HCST: variants seen among roughly 807,000 people sequenced by gnomAD.
HCST encodes DNAX-activation protein 10.
HCST carries 12 observed loss-of-function variants against 10.8 expected under a neutral mutation model. That is an observed-to-expected ratio of 1.12 (90% CI 0.72 to 1.81). The LOEUF is 1.81. HCST is among the 40% of genes most tolerant of loss of function. HCST has a pLI of 0.00. For missense variants in HCST, 102 were observed against 117.9 expected, an observed-to-expected ratio of 0.87 and a Z score of 0.62; for synonymous variants, 59 against 51.6, an observed-to-expected ratio of 1.14 and a Z score of -0.61.
chr19:35,903,337 T>C lies in HCST; in HGVS notation c.44-14T>C, dbSNP rs371000024. 6.2e-7 allele frequency: 1 copy of C among 1,611,856 alleles called. No individual in the cohort carries two copies. The highest frequency in any genetic ancestry group is 8.5e-7 in the Non-Finnish European group (1 of 1,178,562). ...TTCTCTCCACCCTCATCCACCTTCT[T>C]TCTCTTTCCACAGTGGCTGCAGCTC... On this transcript the variant is annotated splice_polypyrimidine_tract_variant and intron_variant, in intron 1 of 3. Transcript: ENST00000246551.
rs2146983106 is a variant in HCST, at chr19:35,903,912, G to A, written c.241+9G>A. 1 of 1,608,566 alleles carries A rather than the reference G, an allele frequency of 6.2e-7. No individual in the cohort carries two copies. Among genetic ancestry groups the A allele is most frequent in the Non-Finnish European group, 8.5e-7 (1 of 1,178,258 alleles). ...CCGCAGCCCCGCCCAAGGTGAGGGC[G>A]GAGATGGGCGGGGCCTGGAAGGTGT... On this transcript the variant is annotated intron_variant, in intron 3 of 3. Transcript: ENST00000246551.
chr19:35,902,963 C>A, intron 1 of HCST: 1 of 446,868 alleles, frequency 2.2e-6, no homozygotes, highest in South Asian at 2.5e-5. Flanking sequence ...CTTCTCAGGA[C>A]ACTACCTTTC....
rs1975663699 is a variant in HCST at position 35,904,337 on chromosome 19, G to A, written c.*177G>A. ...AGCCTCCCTCCCATGAACTGTTTCT[G>A]GATCCAAGGCCCCCTCAGAACCCCC... is the stretch of plus-strand genomic sequence containing the variant. On this transcript the variant is annotated 3_prime_UTR_variant, in exon 4 of 4. Transcript: ENST00000246551. The A allele has an allele frequency of 8.4e-6, 7 of 829,250 alleles. No individual in the cohort carries two copies. In the South Asian group the frequency reaches 1.0e-4, roughly 12 times the overall value. The allele number at this position is 829,250 out of a possible 1,614,324, so 51.4% of individuals were successfully genotyped here.
chr19:35,903,677 C>G, intron 2 of HCST, 95 bp from the exon 3 acceptor site: 1 of 1,572,674 alleles, frequency 6.4e-7, no homozygotes, highest in Non-Finnish European at 8.7e-7. Context: ...TGGGACCCGC[C>G]CCCTCGCAGG....
chr19:35,902,597 A>G lies in HCST; in HGVS notation c.4A>G (p.Ile2Val). Residue 2 changes from isoleucine to valine, a missense_variant, in exon 1 of 4, where the codon ATC becomes GTC. By Grantham distance (29) the Ile-to-Val change is conservative (BLOSUM62 3). Transcript: ENST00000246551. The part of the protein sequence containing the change: M[I>V]HLGHILFLLL... ...CCCTGCCAGACCCCAGTCCACCATG[A>G]TCCATCTGGGTCACATCCTCTTCCT... The G allele has an allele frequency of 6.2e-7, 1 of 1,614,046 alleles. No homozygotes were observed. The highest frequency in any genetic ancestry group is 8.5e-7 in the Non-Finnish European group (1 of 1,179,962).
intron 3 of HCST, 61 bp downstream of exon 3, chr19:35,903,964 G>A: frequency 6.3e-7 from 1 of 1,578,912 alleles, no homozygotes; most frequent in Non-Finnish European, 8.6e-7. Flanking sequence ...GGGGGTCCCA[G>A]GGAGGGGGCC....
In HCST at chr19:35,902,577, C is replaced by G; in HGVS notation, c.-17C>G. 6.2e-7 allele frequency: 1 copy of G among 1,613,332 alleles called. No homozygotes were observed. ...ACCACAGTCCTCTGCCAGACCCCTG[C>G]CAGACCCCAGTCCACCATGATCCAT... On this transcript the variant is annotated 5_prime_UTR_variant, in exon 1 of 4. Transcript: ENST00000246551.
At chr19:35,902,726 G>T in intron 1 of HCST, 90 bp downstream of exon 1, 1 of 1,332,672 alleles carries the variant, frequency 7.5e-7, no homozygotes. Flanking sequence ...ATGAAAGTGG[G>T]GTTCTTCTCC....
At chr19:35,903,478 G>T in intron 2 of HCST, 62 bp downstream of exon 2, 1 of 1,403,818 alleles carries the variant, frequency 7.1e-7, no homozygotes, top group South Asian at 1.2e-5. Context: ...GGTTCTCCAG[G>T]TCACCATCCC....
chr19:35,902,530 C>A lies in HCST; in HGVS notation c.-64C>A. ...CTATTGCTACTTCTCTGCTCCCCCACAGTTCCTCTGGACTTCTCTGGACCA... is the reference window on the plus strand; with the variant it reads ...CTATTGCTACTTCTCTGCTCCCCCAAAGTTCCTCTGGACTTCTCTGGACCA... On this transcript the variant is annotated 5_prime_UTR_variant, in exon 1 of 4. Coordinates refer to ENST00000246551, the MANE Select transcript of HCST (RefSeq NM_014266.4). The A allele has an allele frequency of 6.7e-7, 1 of 1,503,086 alleles. No homozygotes were observed. Among genetic ancestry groups the A allele is most frequent in the Non-Finnish European group, 9.2e-7 (1 of 1,083,254 alleles). The allele number at this position is 1,503,086 out of a possible 1,614,324, so 93.1% of individuals were successfully genotyped here. A position where few individuals can be genotyped will look rare whatever the true frequency, so the allele number is the denominator to read the frequency against.
At chr19:35,902,952 A>G (rs984574855) in intron 1 of HCST, 1 of 440,026 alleles carries the variant, frequency 2.3e-6, no homozygotes, top group African/African-American at 2.0e-5. Flanking sequence ...CCTGGAGATT[A>G]CTTCTCAGGA....
At chr19:35,904,085 G>T (rs1427364528) in intron 3 of HCST, 35 bp from the exon 4 acceptor site, 1 of 1,612,992 alleles carries the variant, frequency 6.2e-7, no homozygotes, top group Non-Finnish European at 8.5e-7. Context: ...AGATATGGGT[G>T]GTCAAGCTTC....
intron 2 of HCST, 121 bp from the exon 3 acceptor site, chr19:35,903,651 G>A (rs1189391958): frequency 3.5e-6 from 5 of 1,414,612 alleles, no homozygotes; most frequent in Non-Finnish European, 4.9e-6. Flanking sequence ...TTCCCCAAGC[G>A]CAACTCCAAG....
chr19:35,903,756 G>A lies in HCST; in HGVS notation c.110-16G>A. 1 of 1,613,970 alleles carries A rather than the reference G, an allele frequency of 6.2e-7. No individual in the cohort carries two copies. Among genetic ancestry groups the A allele is most frequent in the Non-Finnish European group, 8.5e-7 (1 of 1,180,012 alleles). On this transcript the variant is annotated splice_polypyrimidine_tract_variant and intron_variant, in intron 2 of 3. Transcript: ENST00000246551. The stretch of plus-strand genomic sequence containing the variant: ...AGAGCTTGAGTTGTCTCCCTGTTCC[G>A]GCCCCCACTCTCCAGGCTCTTGTTC...
At position 35,904,284 on chromosome 19, in the gene HCST, C is replaced by T; in HGVS notation, c.*124C>T. On this transcript the variant is annotated 3_prime_UTR_variant, in exon 4 of 4. Transcript: ENST00000246551. ...CAATTGAAACACCTGTAGTCGTATT[C>T]TTTCTCAAAGAACCCCAGAGTTCCC... 1.8e-6 allele frequency: 2 copies of T among 1,100,570 alleles called. No homozygotes were observed. Among genetic ancestry groups the T allele is most frequent in the Middle Eastern group, 4.1e-4 (2 of 4,828 alleles). The allele number at this position is 1,100,570 out of a possible 1,614,324, so 68.2% of individuals were successfully genotyped here. A position where few individuals can be genotyped will look rare whatever the true frequency, so the allele number is the denominator to read the frequency against.
Position 35,903,379 on chromosome 19 carries a change from G to A in HCST, c.72G>A (p.Glu24=). ...PVAAAQTTPG[E]RSSLPAFYPG... is the part of the protein sequence containing the mutation. ...CTGCAGCTCAGACGACTCCAGGAGA[G>A]AGATCATCACTCCCTGCCTTTTACC... Residue 24 remains glutamate, a synonymous_variant, in exon 2 of 4, where the codon GAG becomes GAA. Transcript: ENST00000246551. 1 of 1,613,934 alleles carries A rather than the reference G, an allele frequency of 6.2e-7. No homozygotes were observed. Among genetic ancestry groups the A allele is most frequent in the South Asian group, 1.1e-5 (1 of 91,084 alleles).
In HCST at chr19:35,904,125, G is replaced by A. The variant is rs1354728314; in HGVS notation, c.247G>A (p.Gly83Ser). 1.2e-6 allele frequency: 2 copies of A among 1,614,100 alleles called. No homozygotes were observed. Among genetic ancestry groups the A allele is most frequent in the Non-Finnish European group, 1.7e-6 (2 of 1,179,988 alleles). ...TTTCTCTCCCCTATCCCCAGAAGAT[G>A]GCAAAGTCTACATCAACATGCCAGG... ...RPRRSPAQED[G>S]KVYINMPGRG Residue 83 changes from glycine (G) to serine (S), a missense_variant, in exon 4 of 4, where the codon GGC (glycine) becomes AGC (serine). Gly to Ser is a moderately conservative substitution (Grantham distance 56). Coordinates refer to ENST00000246551, the MANE Select transcript of HCST (RefSeq NM_014266.4).
intron 3 of HCST, 78 bp downstream of exon 3, chr19:35,903,981 G>A: frequency 1.9e-6 from 3 of 1,576,168 alleles, no homozygotes; most frequent in Middle Eastern, 2.2e-4. Context: ...GGCCCTTGGG[G>A]AAGCCCTGGA....
At chr19:35,903,698 T>C (rs1442419936) in intron 2 of HCST, 74 bp from the exon 3 acceptor site, 9 of 1,608,912 alleles carry the variant, frequency 5.6e-6, no homozygotes, top group Non-Finnish European at 6.8e-6. Context: ...GGACTTCCTC[T>C]CTGCCTGTGG....
Sources: gnomAD v4.1 joint callset for allele counts on GRCh38, gnomAD v4.1.1 for gene constraint, MANE v1.5 for transcripts, NCBI Gene and HGNC (gene_info 2026-07-23, HGNC 2026-07-21) for gene names.